The following MYH11 variants were observed in gnomAD, a reference collection of about 807,000 sequenced individuals.
MYH11 encodes myosin heavy chain 11, also known as myosin-11.
In MYH11, 80 loss-of-function variants were observed where a neutral mutation model predicts 246.6. The ratio of observed to expected loss-of-function variants is 0.32; its 90% CI spans 0.27 to 0.39. MYH11 has a LOEUF of 0.39. MYH11 is among the 10% of genes least tolerant of loss of function. The pLI, the probability that MYH11 is intolerant of heterozygous loss-of-function variation, is 1.00. For missense variants in MYH11, 2,158 were observed against 2,546.8 expected (o/e 0.85, Z 3.29); for synonymous variants, 1,071 against 1,015.5 (o/e 1.05, Z -1.04).
Position 15,771,573 on chromosome 16 carries a change from C to T in MYH11, c.1029G>A (p.Gln343=). The T allele has an allele frequency of 6.2e-7, 1 of 1,613,598 alleles. No homozygotes were observed. The highest frequency in any genetic ancestry group is 2.2e-5 in the East Asian group (1 of 44,852). ...MAIMGFSEEE[Q]LSILKVVSSV... ...GACTCAAGGTGTGAGGCTTACATAG[C>T]TGCTCCTCCTCGCTGAAACCCATGA... Residue 343 remains glutamine, a synonymous_variant, in exon 9 of 41, where the codon CAG becomes CAA. Coordinates refer to ENST00000300036, the MANE Select transcript of MYH11 (RefSeq NM_002474.3).
At chr16:15,774,777 C>T (rs1156572350) in intron 8 of MYH11, among the ~76,000 whole-genome samples, 2 of 152,094 alleles carry the variant, frequency 1.3e-5, no homozygotes, top group African/African-American at 4.8e-5. Context: ...TTTGGGGAGA[C>T]AGGGTTTCAC....
chr16:15,771,445 T>A, intron 9 of MYH11, 124 bp downstream of exon 9: 2 of 1,049,724 alleles, frequency 1.9e-6, no homozygotes, highest in Non-Finnish European at 2.7e-6. Flanking sequence ...CTTTTTTTTT[T>A]TTTTTTTTAA....
chr16:15,835,239 T>A (rs923917063), intron 2 of MYH11, among the ~76,000 whole-genome samples: 2 of 152,144 alleles, frequency 1.3e-5, no homozygotes, highest in Non-Finnish European at 2.9e-5. Context: ...AGGGGTATCT[T>A]TGGGGCTTCC....
chr16:15,824,473 G>T (rs1210418477), intron 2 of MYH11, among the ~76,000 whole-genome samples: 1 of 151,984 alleles, frequency 6.6e-6, no homozygotes, highest in African/African-American at 2.4e-5. Flanking sequence ...TAGAGACAGG[G>T]TTTCACCATA....
rs759602174 is a variant in MYH11, at chr16:15,745,207, G to A, written c.2442C>T (p.Thr814=). Residue 814 remains threonine (T), a synonymous_variant, in exon 20 of 41, where the codon ACC becomes ACT. Transcript: ENST00000300036. ...KAFAKRQQQL[T]AMKVIQRNCA... ...AGTTCCTCTGAATCACCTTCATGGC[G>A]GTCAGCTGCTGCTGCCTCTTGGCAA... The A allele has an allele frequency of 4.3e-6, 7 of 1,614,032 alleles. No homozygotes were observed. The highest frequency in any genetic ancestry group is 5.1e-6 in the Non-Finnish European group (6 of 1,179,996).
intron 2 of MYH11, among the ~76,000 whole-genome samples, chr16:15,835,746 A>ATTT (rs386384349): frequency 6.1e-5 from 8 of 132,096 alleles, no homozygotes; most frequent in East Asian, 2.3e-4. Context: ...AGCTGGTACT[A>ATTT]TTTTTTTTTT....
intron 1 of MYH11, among the ~76,000 whole-genome samples, chr16:15,855,089 GA>G (rs1392408629): frequency 6.6e-6 from 1 of 152,102 alleles, no homozygotes; most frequent in East Asian, 1.9e-4. Context: ...CCCTCCCACG[GA>G]AAAGTAATGA....
At chr16:15,775,032 G>A (rs182085746) in intron 8 of MYH11, among the ~76,000 whole-genome samples, 1 of 152,270 alleles carries the variant, frequency 6.6e-6, no homozygotes, top group Non-Finnish European at 1.5e-5. Flanking sequence ...AAAAGAGATG[G>A]GAAGCAAAGT....
At chr16:15,794,550 G>C (rs373415029) in intron 4 of MYH11, among the ~76,000 whole-genome samples, 1 of 152,224 alleles carries the variant, frequency 6.6e-6, no homozygotes, top group Non-Finnish European at 1.5e-5. Flanking sequence ...CCTTGCTAAC[G>C]CTGCATTCCA....
chr16:15,842,428 A>C (rs2044076572), intron 1 of MYH11, among the ~76,000 whole-genome samples: 2 of 151,996 alleles, frequency 1.3e-5, no homozygotes, highest in South Asian at 4.1e-4. Flanking sequence ...TGATTTGCTC[A>C]GAGATTTTCT....
chr16:15,738,836 G>A, intron 23 of MYH11, 148 bp from the exon 24 acceptor site: 1 of 982,654 alleles, frequency 1.0e-6, no homozygotes, highest in South Asian at 1.6e-5. Flanking sequence ...GTAAAGAGAA[G>A]TCCCATAACA....
At chr16:15,855,252 T>C (rs1202254701) in intron 1 of MYH11, among the ~76,000 whole-genome samples, 2 of 152,228 alleles carry the variant, frequency 1.3e-5, no homozygotes, top group Non-Finnish European at 1.5e-5. Context: ...GCAGCCCACC[T>C]AGGGTCACTG....
intron 3 of MYH11, among the ~76,000 whole-genome samples, chr16:15,808,240 C>T (rs75807970): frequency 2.0e-4 from 30 of 152,272 alleles, no homozygotes; most frequent in African/African-American, 6.3e-4. Context: ...GGTGGGTCCT[C>T]GGCAGCTGAC....
intron 1 of MYH11, among the ~76,000 whole-genome samples, chr16:15,848,915 A>G (rs1473830695): frequency 6.6e-6 from 1 of 152,126 alleles, no homozygotes; most frequent in Non-Finnish European, 1.5e-5. Flanking sequence ...GACACTCTTC[A>G]TCTACCTTGA....
intron 29 of MYH11, 25 bp from the exon 30 acceptor site, chr16:15,724,824 C>T (rs368950054): frequency 6.2e-7 from 1 of 1,613,698 alleles, no homozygotes; most frequent in East Asian, 2.2e-5. Flanking sequence ...CAAAGAGGTC[C>T]CAGGGACCTG....
intron 2 of MYH11, among the ~76,000 whole-genome samples, chr16:15,835,957 C>T (rs2043880421): frequency 6.6e-6 from 1 of 151,664 alleles, no homozygotes; most frequent in Non-Finnish European, 1.5e-5. Context: ...GTTGTGTTGC[C>T]CAGGCTGGTC....
chr16:15,841,835 G>A (rs1436440977), intron 1 of MYH11, among the ~76,000 whole-genome samples: 2 of 152,152 alleles, frequency 1.3e-5, no homozygotes, highest in Non-Finnish European at 2.9e-5. Flanking sequence ...GGATCTATGC[G>A]TGGTTGACAT....
chr16:15,734,739 A>G (rs553937039), intron 26 of MYH11, among the ~76,000 whole-genome samples: 1 of 152,298 alleles, frequency 6.6e-6, no homozygotes, highest in African/African-American at 2.4e-5. Flanking sequence ...TGTTTTTTCC[A>G]ATTTGTAAAA....
rs778562383 is a variant in MYH11, at chr16:15,750,070, G to A, written c.2058+68C>T. 11 of 1,594,960 alleles carry A rather than the reference G, an allele frequency of 6.9e-6. No homozygotes were observed. The South Asian group carries it at 1.1e-4, about 16-fold the overall frequency. ...GTAGGTGGGGGCAGAGGGCGCCCTGGGGACGCTGTGACCGCTTGGGACAGC... is the reference window on the plus strand; with the variant it reads ...GTAGGTGGGGGCAGAGGGCGCCCTGAGGACGCTGTGACCGCTTGGGACAGC... On this transcript the variant is annotated intron_variant, in intron 16 of 40. Coordinates refer to ENST00000300036, the MANE Select transcript of MYH11 (RefSeq NM_002474.3). This position sits in a 1 kb window ranked among gnomAD's most constrained non-coding sequence, Gnocchi z 4.3.
Sources: allele counts gnomAD v4.1 joint callset (sites outside exome capture counted in the v4.1 genomes callset), GRCh38; gene constraint gnomAD v4.1.1; non-coding constraint Gnocchi (gnomAD v3.1); transcripts MANE v1.5; gene names NCBI Gene and HGNC (gene_info 2026-07-23, HGNC 2026-07-21).